The following SNED1 variants were observed in gnomAD, a reference collection of about 807,000 sequenced individuals.
SNED1 encodes the protein sushi, nidogen and EGF like domains 1.
Under a neutral mutation model 166.7 loss-of-function variants are expected in SNED1, and 81 were observed. That is an observed-to-expected ratio of 0.49 (90% CI 0.41 to 0.58). SNED1 has a LOEUF of 0.58. Among genes scored for constraint, SNED1 ranks in the 20% least tolerant of loss-of-function variants. The probability of loss-of-function intolerance (pLI) is 0.00; values close to 1 mark genes in which losing one functional copy is unlikely to be tolerated. For missense variants in SNED1, 1,604 were observed against 2,000.2 expected (o/e 0.80, Z 3.78); for synonymous variants, 762 against 822.0 (o/e 0.93, Z 1.25).
chr2:241,012,506 G>C (rs2060442532), intron 1 of SNED1, among the ~76,000 whole-genome samples: 1 of 152,144 alleles, frequency 6.6e-6, no homozygotes, highest in Non-Finnish European at 1.5e-5. Flanking sequence ...CCACATCTCT[G>C]GTGGTGCTGT....
intron 8 of SNED1, among the ~76,000 whole-genome samples, chr2:241,042,610 T>C (rs954040384): frequency 6.6e-6 from 1 of 152,194 alleles, no homozygotes; most frequent in Non-Finnish European, 1.5e-5. Context: ...TGTTTAATTA[T>C]CTATTATGAA....
intron 16 of SNED1, among the ~76,000 whole-genome samples, chr2:241,061,397 C>T (rs1185113988): frequency 6.6e-6 from 1 of 152,220 alleles, no homozygotes; most frequent in Non-Finnish European, 1.5e-5. Context: ...ATTTCTTATG[C>T]ATTGCTGGCA....
At position 241,065,615 on chromosome 2, in the gene SNED1, GCCGT is replaced by G. The variant is rs2062409632; in HGVS notation, c.3010+23_3010+26del. 1 of 1,605,086 alleles carries G rather than the reference GCCGT, an allele frequency of 6.2e-7. No homozygotes were observed. ...GCACGCGTGAGTGTCCCCGAGCCTG[GCCGT>G]CCCTGCCCAGCCCCTGCCCCTCGAG... On this transcript the variant is annotated intron_variant, in intron 21 of 31. Transcript: ENST00000310397.
chr2:241,085,235 G>A (rs1010156086), intron 29 of SNED1, among the ~76,000 whole-genome samples: 1 of 152,070 alleles, frequency 6.6e-6, no homozygotes, highest in Non-Finnish European at 1.5e-5. Flanking sequence ...TGGGACTCCA[G>A]TTATGCGTGT....
In SNED1 at chr2:241,052,120, C is replaced by T; in HGVS notation, c.1932C>T (p.Asp644=). The T allele has an allele frequency of 6.2e-7, 1 of 1,613,922 alleles. No individual in the cohort carries two copies. The highest frequency in any genetic ancestry group is 8.5e-7 in the Non-Finnish European group (1 of 1,179,854). The change falls in exon 14 of 32, where the codon GAC becomes GAT. Residue 644 remains aspartate, a synonymous_variant. Coordinates refer to ENST00000310397, the MANE Select transcript of SNED1 (RefSeq NM_001080437.3). ...CFHYIGKYKC[D]CPPGFSGRHC... is the part of the protein sequence containing the mutation. ...ACTACATTGGCAAATACAAGTGTGA[C>T]TGTCCCCCAGGCTTCTCCGGGCGGC...
intron 22 of SNED1, 25 bp downstream of exon 22, chr2:241,067,972 G>A (rs2062532394): frequency 1.3e-6 from 2 of 1,591,638 alleles, no homozygotes; most frequent in East Asian, 4.5e-5. Flanking sequence ...CCAGAGCATG[G>A]GGCTGGGGTG....
At chr2:241,014,004 TTTTTC>T (rs1410011274) in intron 1 of SNED1, among the ~76,000 whole-genome samples, 4 of 151,996 alleles carry the variant, frequency 2.6e-5, no homozygotes, top group African/African-American at 9.7e-5. Context: ...AGACTACTCT[TTTTTC>T]TTTTCTTTTT....
rs2064172950 is a variant in SNED1, at chr2:241,093,413, C to G, written c.*1777C>G. 6.6e-6 allele frequency: 1 copy of G among 152,656 alleles called. No individual in the cohort carries two copies. Among genetic ancestry groups the G allele is most frequent in the East Asian group, 1.9e-4 (1 of 5,194 alleles). The allele number at this position is 152,656 out of a possible 1,614,324, so 9.5% of individuals were successfully genotyped here. ...TACTCCCTACTAGGACCTCAAGCCC[C>G]TCAGCCACACAGCAAATGCTAATAT... On this transcript the variant is annotated 3_prime_UTR_variant, in exon 32 of 32. Coordinates refer to ENST00000310397, the MANE Select transcript of SNED1 (RefSeq NM_001080437.3).
intron 16 of SNED1, among the ~76,000 whole-genome samples, chr2:241,056,580 ATT>A (rs1172411061): frequency 5.4e-5 from 6 of 111,212 alleles, no homozygotes; most frequent in Admixed American, 2.2e-4. Flanking sequence ...AATAAGTGAA[ATT>A]TTTTTTTTTT....
intron 2 of SNED1, among the ~76,000 whole-genome samples, chr2:241,031,536 G>C (rs1387681104): frequency 6.6e-6 from 1 of 152,228 alleles, no homozygotes; most frequent in Non-Finnish European, 1.5e-5. Context: ...GGTCACTCTA[G>C]CAAGGCATCA....
chr2:241,065,461 A>T lies in SNED1; in HGVS notation c.2876A>T (p.Asp959Val). The change falls in exon 21 of 32, where the codon GAC (aspartate) becomes GTC (valine). Residue 959 changes from aspartate to valine, a missense_variant. Physicochemically the swap from Asp to Val is radical, Grantham distance 152. This residue lies in a region of SNED1 where 1,237 missense variants were observed against 1,620.8 expected (regional missense o/e 0.76). Transcript: ENST00000310397. ...TCCTACCGCCGCACAGACTTTGTGG[A>T]CAGGACCCGCTCCTCGCACCAGCTC... ...DGSYRRTDFVDRTRSSHQLQA... is the reference protein window; with the variant it reads ...DGSYRRTDFVVRTRSSHQLQA... 1.2e-6 allele frequency: 2 copies of T among 1,613,032 alleles called. No homozygotes were observed. The highest frequency in any genetic ancestry group is 1.7e-6 in the Non-Finnish European group (2 of 1,179,838).
Position 241,040,142 on chromosome 2 carries a change from G to C in SNED1, c.1113G>C (p.Ala371=), listed in dbSNP as rs184351731. 5 of 1,598,850 alleles carry C rather than the reference G, an allele frequency of 3.1e-6. No individual in the cohort carries two copies. In the East Asian group the frequency reaches 1.1e-4, roughly 36 times the overall value. ...AGTGCCAGGTGGAGAATGGCTCTGC[G>C]GTGTGTGTGTGCCAGGCCGGATACA... ...GGQCQVENGS[A]VCVCQAGYTG... Residue 371 remains alanine (A), a synonymous_variant, in exon 7 of 32, where the codon GCG becomes GCC. Transcript: ENST00000310397.
At chr2:241,028,067 T>C (rs2061036875) in intron 1 of SNED1, among the ~76,000 whole-genome samples, 1 of 152,202 alleles carries the variant, frequency 6.6e-6, no homozygotes, top group Non-Finnish European at 1.5e-5. Context: ...ATGTTGAACA[T>C]GTTTCCAGGT....
chr2:241,085,334 C>G (rs2063524094), intron 29 of SNED1, among the ~76,000 whole-genome samples: 1 of 152,200 alleles, frequency 6.6e-6, no homozygotes, highest in Admixed American at 6.5e-5. Flanking sequence ...GCTATGCACT[C>G]AAGGTCATTG....
At chr2:241,037,394 G>C in intron 6 of SNED1, 41 bp downstream of exon 6, 3 of 1,348,418 alleles carry the variant, frequency 2.2e-6, no homozygotes, top group Middle Eastern at 1.8e-4. Flanking sequence ...CCTGCTGGGG[G>C]CAGGATAGCG....
intron 21 of SNED1, among the ~76,000 whole-genome samples, chr2:241,066,097 G>A (rs1449934057): frequency 6.6e-6 from 1 of 152,168 alleles, no homozygotes; most frequent in Admixed American, 6.5e-5. Flanking sequence ...GCAGGCCCTA[G>A]ATGGAATGAC....
rs17852471 is a variant in SNED1 at position 241,064,070 on chromosome 2, C to A, written c.2544C>A (p.Gly848=). 6.4e-7 allele frequency: 1 copy of A among 1,567,004 alleles called. No individual in the cohort carries two copies. Residue 848 remains glycine (G), a synonymous_variant, in exon 19 of 32, where the codon GGC becomes GGA. Transcript: ENST00000310397. This position sits in a 1 kb window ranked among gnomAD's most constrained non-coding sequence, Gnocchi z 7.0. The stretch of plus-strand genomic sequence containing the variant: ...ATGGAGGCCGGTGTGAGAGCGGCGG[C>A]GGGGCCTACCTGTGCGTCTGCCCAG... ...CQHGGRCESG[G]GAYLCVCPES...
At chr2:241,027,276 T>TTGCC (rs2061000452) in intron 1 of SNED1, among the ~76,000 whole-genome samples, 2 of 152,294 alleles carry the variant, frequency 1.3e-5, no homozygotes, top group African/African-American at 4.8e-5. Context: ...AAATAGAGTT[T>TTGCC]TGCCATGTTG....
intron 1 of SNED1, among the ~76,000 whole-genome samples, chr2:241,023,472 C>A (rs770655138): frequency 1.5e-5 from 2 of 137,822 alleles, no homozygotes; most frequent in African/African-American, 2.9e-5. Context: ...TGCTTTATGG[C>A]CCAATATGTG....
Sources: gnomAD v4.1 joint callset for allele counts (sites outside exome capture counted in the v4.1 genomes callset) on GRCh38, gnomAD v4.1.1 for gene constraint, gnomAD v4.1.1 regional missense constraint, Gnocchi (gnomAD v3.1) non-coding constraint, MANE v1.5 for transcripts, NCBI Gene and HGNC (gene_info 2026-07-23, HGNC 2026-07-21) for gene names.